Variants in NRG3 observed in about 807,000 individuals in gnomAD.
NRG3 encodes the protein pro-neuregulin-3, membrane-bound isoform.
NRG3 carries 31 observed loss-of-function variants against 66.9 expected under a neutral mutation model. That is an observed-to-expected ratio of 0.46 (90% confidence interval 0.35 to 0.63). The LOEUF is 0.63. Ranked by LOEUF, NRG3 falls within the 20% of genes least tolerant of loss-of-function variation. NRG3 has a pLI of 0.00. For synonymous variants in NRG3, 393 were observed against 359.4 expected (o/e 1.09, Z -1.06); for missense variants, 910 against 878.9 (o/e 1.04, Z -0.45).
intron 3 of NRG3, among the ~76,000 whole-genome samples, chr10:82,856,743 C>CA (rs371581250): frequency 0.31 from 20,372 of 65,138 alleles, 2,403 homozygotes; most frequent in East Asian, 0.56. Flanking sequence ...GACTCTGTCT[C>CA]AAAAAAAAAA....
chr10:82,945,473 T>C (rs1364542649), intron 4 of NRG3, among the ~76,000 whole-genome samples: 3 of 152,084 alleles, frequency 2.0e-5, no homozygotes, highest in Non-Finnish European at 2.9e-5. Context: ...AAAAAGAAAT[T>C]TATTTGGTTC....
At chr10:82,173,674 AACACACACAC>A (rs3037392) in intron 1 of NRG3, among the ~76,000 whole-genome samples, 7 of 146,514 alleles carry the variant, frequency 4.8e-5, no homozygotes, top group African/African-American at 7.6e-5. Context: ...TGCATATGTG[AACACACACAC>A]ACACACACAC....
intron 2 of NRG3, among the ~76,000 whole-genome samples, chr10:82,489,264 T>G (rs922206718): frequency 6.6e-6 from 1 of 152,200 alleles, no homozygotes; most frequent in East Asian, 1.9e-4. Context: ...CCACATAGTG[T>G]ATTAACATGT....
At chr10:82,364,121 C>G (rs2084368922) in intron 2 of NRG3, among the ~76,000 whole-genome samples, 1 of 152,078 alleles carries the variant, frequency 6.6e-6, no homozygotes, top group African/African-American at 2.4e-5. Flanking sequence ...GAGTTGACTC[C>G]TGCCTCTAGT....
chr10:82,492,312 G>C (rs1195405508), intron 2 of NRG3, among the ~76,000 whole-genome samples: 1 of 152,070 alleles, frequency 6.6e-6, no homozygotes, highest in Non-Finnish European at 1.5e-5. Flanking sequence ...CTGCTAAATG[G>C]TTTCAATCTC....
intron 1 of NRG3, among the ~76,000 whole-genome samples, chr10:81,912,780 C>T (rs1845292971): frequency 6.6e-6 from 1 of 152,168 alleles, no homozygotes; most frequent in African/African-American, 2.4e-5. Context: ...GCTTGGCTCA[C>T]TCATGCATCT....
chr10:82,553,824 C>G (rs1292998399), intron 2 of NRG3, among the ~76,000 whole-genome samples: 9 of 152,134 alleles, frequency 5.9e-5, no homozygotes, highest in African/African-American at 1.9e-4. Flanking sequence ...ACATCCCCCT[C>G]ACCTCATGAT....
In NRG3 at chr10:82,287,369, G is replaced by A. The variant is rs1472320732; in HGVS notation, c.824-71370G>A. Among the ~76,000 whole-genome samples, 9 of 152,168 alleles carry A rather than the reference G, an allele frequency of 5.9e-5. No homozygotes were observed. In the South Asian group the frequency reaches 1.4e-3, roughly 25 times the overall value. On this transcript the variant is annotated intron_variant, in intron 1 of 8. Coordinates refer to ENST00000372141, the MANE Select transcript of NRG3 (RefSeq NM_001010848.4). Reference sequence around the variant, plus strand: ...GCTCCCTGAGGCCTCCCCAGAAGCCGGGCTGATGCCAGTACCATGCTTCCT... The same window carrying A: ...GCTCCCTGAGGCCTCCCCAGAAGCCAGGCTGATGCCAGTACCATGCTTCCT...
chr10:82,554,028 A>G (rs889374075), intron 2 of NRG3, among the ~76,000 whole-genome samples: 2 of 152,186 alleles, frequency 1.3e-5, no homozygotes, highest in African/African-American at 4.8e-5. Flanking sequence ...GTTATATGTT[A>G]GTACATTATT....
chr10:82,491,448 T>C (rs1196966551), intron 2 of NRG3, among the ~76,000 whole-genome samples: 1 of 151,400 alleles, frequency 6.6e-6, no homozygotes, highest in African/African-American at 2.4e-5. Context: ...ACCACTAGTG[T>C]ATTTTGAGCA....
Position 82,963,689 on chromosome 10 carries a change from TAA to T in NRG3, c.1284+4619_1284+4620del, listed in dbSNP as rs374737946. On this transcript the variant is annotated intron_variant, in intron 6 of 8. Coordinates refer to ENST00000372141, the MANE Select transcript of NRG3 (RefSeq NM_001010848.4). ...AGCGAGACAACGTCTCAAAAAAAAATAAAAAAGAATTTGCGTTAAAATAGTAT... is the reference window on the plus strand; with the variant it reads ...AGCGAGACAACGTCTCAAAAAAAAATAAAAGAATTTGCGTTAAAATAGTAT... 6.8e-3 allele frequency among the ~76,000 whole-genome samples: 1,031 copies of T among 151,064 alleles called. 11 individuals carry two copies. The highest frequency in any genetic ancestry group is 0.024 in the African/African-American group (978 of 40,896).
At chr10:82,155,322 G>A (rs891814768) in intron 1 of NRG3, among the ~76,000 whole-genome samples, 1 of 151,704 alleles carries the variant, frequency 6.6e-6, no homozygotes, top group Non-Finnish European at 1.5e-5. Flanking sequence ...GATTTAATCA[G>A]GATGCCTACC....
chr10:82,804,007 T>C (rs1373518920), intron 3 of NRG3, among the ~76,000 whole-genome samples: 2 of 152,176 alleles, frequency 1.3e-5, no homozygotes, highest in African/African-American at 4.8e-5. Flanking sequence ...TGTCCCTTTG[T>C]CCAGCACATC....
intron 2 of NRG3, among the ~76,000 whole-genome samples, chr10:82,604,401 G>T (rs151314441): frequency 6.6e-6 from 1 of 151,930 alleles, no homozygotes; most frequent in Non-Finnish European, 1.5e-5. Flanking sequence ...ATATTCCGTC[G>T]CATAAATGTG....
chr10:82,702,060 CTG>C (rs949136526), intron 2 of NRG3, among the ~76,000 whole-genome samples: 8 of 152,146 alleles, frequency 5.3e-5, no homozygotes, highest in African/African-American at 1.9e-4. Flanking sequence ...TGCTGGCTGT[CTG>C]TGAAGCAGCA....
intron 1 of NRG3, among the ~76,000 whole-genome samples, chr10:82,008,177 C>T (rs972858855): frequency 5.3e-5 from 8 of 152,168 alleles, no homozygotes; most frequent in South Asian, 2.1e-4. Flanking sequence ...CCTTACAATC[C>T]GATGGTTACT....
intron 1 of NRG3, among the ~76,000 whole-genome samples, chr10:81,902,827 G>A (rs1266417803): frequency 6.6e-6 from 1 of 152,084 alleles, no homozygotes; most frequent in Non-Finnish European, 1.5e-5. Context: ...CTTTGGCACT[G>A]GAGCGAATTT....
intron 2 of NRG3, among the ~76,000 whole-genome samples, chr10:82,515,265 A>C (rs1030691233): frequency 6.6e-5 from 10 of 152,240 alleles, no homozygotes; most frequent in African/African-American, 2.4e-4. Flanking sequence ...GGCAACAACA[A>C]CACGCACAAA....
At chr10:82,566,514 T>C (rs1590697005) in intron 2 of NRG3, among the ~76,000 whole-genome samples, 2 of 151,910 alleles carry the variant, frequency 1.3e-5, no homozygotes, top group East Asian at 3.9e-4. Context: ...ATTAATGGAT[T>C]AGTTATCTCT....
Sources: gnomAD v4.1 joint callset for allele counts (sites outside exome capture counted in the v4.1 genomes callset) on GRCh38, gnomAD v4.1.1 for gene constraint, MANE v1.5 for transcripts, NCBI Gene and HGNC (gene_info 2026-07-23, HGNC 2026-07-21) for gene names.